MYRIP: variants seen among roughly 807,000 people sequenced by gnomAD.
MYRIP encodes myosin VIIA and Rab interacting protein.
MYRIP carries 49 observed loss-of-function variants against 98.0 expected under a neutral mutation model. The ratio of observed to expected loss-of-function variants is 0.50; its 90% CI spans 0.40 to 0.63. The LOEUF is 0.63. Ranked by LOEUF, MYRIP falls within the 30% of genes least tolerant of loss-of-function variation. The pLI is 0.00. For missense variants in MYRIP, 1,004 were observed against 1,058.2 expected, an observed-to-expected ratio of 0.95 and a Z score of 0.71; for synonymous variants, 404 against 409.5, an observed-to-expected ratio of 0.99 and a Z score of 0.16.
chr3:40,008,818 C>T lies in MYRIP; in HGVS notation c.111-35232C>T, dbSNP rs1022439236. ...CGAAGTCAAAAGAATTTCAGGTTCTCTGCAGATTTGCCTCTTGTCTTCTCA... is the reference window on the plus strand; with the variant it reads ...CGAAGTCAAAAGAATTTCAGGTTCTTTGCAGATTTGCCTCTTGTCTTCTCA... On this transcript the variant is annotated intron_variant, in intron 2 of 16. Transcript: ENST00000302541. Among the ~76,000 whole-genome samples the T allele has an allele frequency of 2.0e-5, 3 of 152,342 alleles. No homozygotes were observed. In the South Asian group the frequency reaches 6.2e-4, roughly 32 times the overall value.
chr3:40,090,623 C>T (rs1231473068), intron 3 of MYRIP, among the ~76,000 whole-genome samples: 1 of 152,202 alleles, frequency 6.6e-6, no homozygotes, highest in African/African-American at 2.4e-5. Context: ...AGATGAACAG[C>T]TTCATTCACT....
At chr3:39,931,444 C>T (rs9858312) in intron 2 of MYRIP, among the ~76,000 whole-genome samples, 2 of 151,396 alleles carry the variant, frequency 1.3e-5, no homozygotes, top group East Asian at 3.9e-4. Flanking sequence ...TTAAGATTTT[C>T]AGTATACTAG....
intron 2 of MYRIP, among the ~76,000 whole-genome samples, chr3:39,956,698 T>C (rs1211126866): frequency 6.7e-6 from 1 of 148,526 alleles, no homozygotes; most frequent in African/African-American, 2.6e-5. Context: ...CTGAAGGAAA[T>C]AGAGACACAA....
At chr3:40,010,661 C>G (rs1292085268) in intron 2 of MYRIP, among the ~76,000 whole-genome samples, 1 of 152,142 alleles carries the variant, frequency 6.6e-6, no homozygotes, top group Non-Finnish European at 1.5e-5. Context: ...TTTCTACATG[C>G]TCTACTATGC....
chr3:40,092,693 A>G (rs1397906398), intron 3 of MYRIP, among the ~76,000 whole-genome samples: 3 of 152,198 alleles, frequency 2.0e-5, no homozygotes, highest in Non-Finnish European at 2.9e-5. Flanking sequence ...CCTTATTTAC[A>G]TAGTAGGAGA....
intron 3 of MYRIP, among the ~76,000 whole-genome samples, chr3:40,077,407 C>T (rs1948371512): frequency 1.3e-5 from 2 of 152,158 alleles, no homozygotes; most frequent in Non-Finnish European, 2.9e-5. Context: ...TTTACGATCC[C>T]TGAGCTAGAC....
intron 2 of MYRIP, among the ~76,000 whole-genome samples, chr3:39,997,036 G>A (rs1230844533): frequency 6.6e-6 from 1 of 152,180 alleles, no homozygotes; most frequent in Non-Finnish European, 1.5e-5. Flanking sequence ...TCAAAGCAGT[G>A]TGTAGAGGGA....
In MYRIP at chr3:39,813,414, C is replaced by T. The variant is rs532592497; in HGVS notation, c.-31+3498C>T. ...GAAGATTGTATTCATTTGGTGGCTT[C>T]CATGCCCATAATCACCAAGAGTGTT... On this transcript the variant is annotated intron_variant, in intron 1 of 16. Coordinates refer to ENST00000302541, the MANE Select transcript of MYRIP (RefSeq NM_015460.4). Among the ~76,000 whole-genome samples the T allele has an allele frequency of 2.2e-4, 34 of 152,280 alleles. No individual in the cohort carries two copies. In the Middle Eastern group the frequency reaches 0.014, roughly 61 times the overall value.
At chr3:40,021,388 G>A (rs926644323) in intron 2 of MYRIP, among the ~76,000 whole-genome samples, 3 of 152,068 alleles carry the variant, frequency 2.0e-5, no homozygotes, top group African/African-American at 7.2e-5. Flanking sequence ...TCTTCTAGAT[G>A]GATTAATCAA....
chr3:40,221,930 T>C (rs1195506614), intron 11 of MYRIP, among the ~76,000 whole-genome samples: 1 of 151,478 alleles, frequency 6.6e-6, no homozygotes, highest in Non-Finnish European at 1.5e-5. Context: ...GGAGATGGAG[T>C]TCAGATAACA....
At chr3:40,042,311 A>C (rs1033360632) in intron 2 of MYRIP, among the ~76,000 whole-genome samples, 1 of 144,220 alleles carries the variant, frequency 6.9e-6, no homozygotes, top group South Asian at 2.3e-4. Flanking sequence ...AAAAAAAAAG[A>C]GAGCCAACCT....
At chr3:39,970,452 A>G (rs1200089054) in intron 2 of MYRIP, among the ~76,000 whole-genome samples, 1 of 152,072 alleles carries the variant, frequency 6.6e-6, no homozygotes, top group Admixed American at 6.6e-5. Context: ...AGCATCTTAC[A>G]TATGTGTATG....
chr3:40,154,033 G>C (rs1950169428), intron 4 of MYRIP, among the ~76,000 whole-genome samples: 1 of 151,990 alleles, frequency 6.6e-6, no homozygotes, highest in Non-Finnish European at 1.5e-5. Flanking sequence ...CCAGCTACTT[G>C]GGAGGCTGAG....
intron 2 of MYRIP, among the ~76,000 whole-genome samples, chr3:39,930,131 A>G (rs1045288156): frequency 2.0e-5 from 3 of 152,040 alleles, no homozygotes; most frequent in Admixed American, 6.6e-5. Flanking sequence ...GAAATCGCCA[A>G]ACTTTTCTAA....
chr3:39,937,221 G>A (rs1231743460), intron 2 of MYRIP, among the ~76,000 whole-genome samples: 1 of 152,186 alleles, frequency 6.6e-6, no homozygotes, highest in Non-Finnish European at 1.5e-5. Context: ...TACTAGGGAT[G>A]ACCTGTCTGA....
intron 10 of MYRIP, among the ~76,000 whole-genome samples, chr3:40,193,781 A>G (rs1014158925): frequency 3.9e-5 from 6 of 152,128 alleles, no homozygotes; most frequent in African/African-American, 1.4e-4. Context: ...TTTGGCTAAC[A>G]CTTTCATAAT....
rs1417803862 is a variant in MYRIP, at chr3:39,871,403, G to A, written c.-30-29384G>A. Among the ~76,000 whole-genome samples, 4 of 152,126 alleles carry A rather than the reference G, an allele frequency of 2.6e-5. No individual in the cohort carries two copies. In the East Asian group the frequency reaches 7.7e-4, roughly 29 times the overall value. ...TTTAAAAATAGTTTTTATTATGCATGGAGGAAAATCTTTAGTCAGCATGAG... is the reference window on the plus strand; with the variant it reads ...TTTAAAAATAGTTTTTATTATGCATAGAGGAAAATCTTTAGTCAGCATGAG... On this transcript the variant is annotated intron_variant, in intron 1 of 16. Coordinates refer to ENST00000302541, the MANE Select transcript of MYRIP (RefSeq NM_015460.4).
At chr3:39,885,033 C>T (rs1200621822) in intron 1 of MYRIP, among the ~76,000 whole-genome samples, 1 of 149,702 alleles carries the variant, frequency 6.7e-6, no homozygotes, top group Non-Finnish European at 1.5e-5. Flanking sequence ...GTGCCTATTT[C>T]CTCATAGACT....
At chr3:40,245,636 T>G (rs1575676865) in intron 13 of MYRIP, among the ~76,000 whole-genome samples, 2 of 101,718 alleles carry the variant, frequency 2.0e-5, no homozygotes, top group Admixed American at 1.4e-4. Context: ...GGCAACAGAG[T>G]GAGACTCCAT....
Sources: gnomAD v4.1 joint callset for allele counts (sites outside exome capture counted in the v4.1 genomes callset) on GRCh38, gnomAD v4.1.1 for gene constraint, MANE v1.5 for transcripts, NCBI Gene and HGNC (gene_info 2026-07-23, HGNC 2026-07-21) for gene names.